Variants in CEP57 observed in about 807,000 individuals in gnomAD.
CEP57 encodes the protein centrosomal protein 57.
CEP57 carries 40 observed loss-of-function variants against 68.0 expected under a neutral mutation model. That is an observed-to-expected ratio of 0.59 (90% CI 0.46 to 0.77). The LOEUF (loss-of-function observed/expected upper bound fraction) is 0.77. Ranked by LOEUF, CEP57 falls within the 30% of genes least tolerant of loss-of-function variation. The probability of loss-of-function intolerance (pLI) is 0.00; values close to 1 mark genes in which losing one functional copy is unlikely to be tolerated. For missense variants in CEP57, 606 were observed against 580.7 expected (o/e 1.04, Z -0.45); for synonymous variants, 219 against 198.7 (o/e 1.10, Z -0.86).
chr11:95,812,955 C>A lies in CEP57; in HGVS notation c.226C>A (p.Leu76Ile). Residue 76 changes from leucine to isoleucine, a missense_variant, in exon 3 of 11, where the codon CTT (leucine) becomes ATT (isoleucine). By Grantham distance (5) the Leu-to-Ile change is conservative. Transcript: ENST00000325542. ...SRAIFSALKN[L>I]QDKIRRLELE... ...AGCCATATTTTCTGCTCTTAAGAAT[C>A]TTCAAGATAAGATTCGACGCTTGGA... 6.2e-7 allele frequency: 1 copy of A among 1,613,978 alleles called. No individual in the cohort carries two copies. The highest frequency in any genetic ancestry group is 2.2e-5 in the East Asian group (1 of 44,852).
At chr11:95,814,832 C>T (rs1202793737) in intron 4 of CEP57, among the ~76,000 whole-genome samples, 1 of 152,138 alleles carries the variant, frequency 6.6e-6, no homozygotes, top group African/African-American at 2.4e-5. Flanking sequence ...AGTTGTCCTT[C>T]AGTATCCATG....
intron 2 of CEP57, among the ~76,000 whole-genome samples, chr11:95,809,156 A>G (rs1369416039): frequency 6.6e-6 from 1 of 152,248 alleles, no homozygotes; most frequent in African/African-American, 2.4e-5. Flanking sequence ...GAAACCAACG[A>G]GAACAAAGAC....
chr11:95,824,244 T>C (rs926512340), intron 8 of CEP57, among the ~76,000 whole-genome samples: 1 of 151,910 alleles, frequency 6.6e-6, no homozygotes, highest in African/African-American at 2.4e-5. Flanking sequence ...AGATCCTCTT[T>C]AAAAAATTTT....
chr11:95,796,414 G>A (rs1861351861), intron 1 of CEP57, among the ~76,000 whole-genome samples: 1 of 152,130 alleles, frequency 6.6e-6, no homozygotes, highest in South Asian at 2.1e-4. Flanking sequence ...TTAGAATTGG[G>A]CTCCTTTCTA....
At chr11:95,799,478 G>A in intron 2 of CEP57, 90 bp downstream of exon 2, 1 of 1,481,602 alleles carries the variant, frequency 6.7e-7, no homozygotes, top group Non-Finnish European at 9.4e-7. Context: ...GCCATTAGAG[G>A]AAAATATATT....
chr11:95,790,435 T>C (rs191394966), upstream of CEP57: 1 of 570,642 alleles, frequency 1.8e-6, no homozygotes, highest in African/African-American at 1.9e-5. Flanking sequence ...GATTCTCTCC[T>C]ACTACAGAAA....
At chr11:95,827,715 G>T in intron 8 of CEP57, 71 bp from the exon 9 acceptor site, 1 of 1,589,872 alleles carries the variant, frequency 6.3e-7, no homozygotes. Flanking sequence ...TTTTTACCTA[G>T]GCTTAGGGAA....
rs1039443793 is a variant in CEP57, at chr11:95,815,877, C to T, written c.505-1910C>T. Among the ~76,000 whole-genome samples, 6 of 152,242 alleles carry T rather than the reference C, an allele frequency of 3.9e-5. No individual in the cohort carries two copies. The East Asian group carries it at 7.7e-4, about 20-fold the overall frequency. On this transcript the variant is annotated intron_variant, in intron 4 of 10. Coordinates refer to ENST00000325542, the MANE Select transcript of CEP57 (RefSeq NM_014679.5). ...TTGATCATTGTGGATTATACATTGCCTAAAGTTTTATATTCCTGCACATTT... is the reference window on the plus strand; with the variant it reads ...TTGATCATTGTGGATTATACATTGCTTAAAGTTTTATATTCCTGCACATTT...
At chr11:95,800,053 C>T (rs371851854) in intron 2 of CEP57, among the ~76,000 whole-genome samples, 21 of 152,160 alleles carry the variant, frequency 1.4e-4, no homozygotes, top group African/African-American at 4.3e-4. Flanking sequence ...TAACAAATTG[C>T]CATGAACTTA....
chr11:95,830,921 C>T (rs1228664278), intron 10 of CEP57, 105 bp from the exon 11 acceptor site: 6 of 796,852 alleles, frequency 7.5e-6, no homozygotes, highest in Non-Finnish European at 1.3e-5. Flanking sequence ...TTTCAGTTAG[C>T]ATGAGAGTTA....
intron 2 of CEP57, 64 bp from the exon 3 acceptor site, chr11:95,812,868 T>G (rs746266583): frequency 4.9e-6 from 7 of 1,430,424 alleles, no homozygotes; most frequent in Non-Finnish European, 6.9e-6. Flanking sequence ...GAGTTTATTC[T>G]TTCTTAATAT....
intron 2 of CEP57, among the ~76,000 whole-genome samples, chr11:95,802,327 T>C (rs1861617626): frequency 6.6e-6 from 1 of 150,888 alleles, no homozygotes; most frequent in Non-Finnish European, 1.5e-5. Context: ...TGATCTTGGC[T>C]CACTACAACC....
chr11:95,792,255 G>GT (rs1861117809), intron 1 of CEP57, among the ~76,000 whole-genome samples: 1 of 152,216 alleles, frequency 6.6e-6, no homozygotes, highest in African/African-American at 2.4e-5. Context: ...TATAGGAGAT[G>GT]TGATTAAACT....
chr11:95,822,292 G>C, intron 7 of CEP57: 1 of 591,714 alleles, frequency 1.7e-6, no homozygotes, highest in Non-Finnish European at 3.0e-6. Flanking sequence ...CTGTTGTTTT[G>C]TCAAGTGCTT....
Position 95,818,835 on chromosome 11 carries a change from G to A in CEP57, c.630G>A (p.Met210Ile), listed in dbSNP as rs1421576157. Residue 210 changes from methionine to isoleucine, a missense_variant, in exon 6 of 11, where the codon ATG (methionine) becomes ATA (isoleucine). Transcript: ENST00000325542. ...TTMQALAEKK[M>I]QELEAKLHEE... ...GACATTTTTATCACTAGAAAAAAAT[G>A]CAAGAGTTGGAAGCAAAACTCCATG... 2 of 1,613,554 alleles carry A rather than the reference G, an allele frequency of 1.2e-6. No homozygotes were observed. The highest frequency in any genetic ancestry group is 2.7e-5 in the African/African-American group (2 of 74,902).
intron 8 of CEP57, among the ~76,000 whole-genome samples, chr11:95,824,258 TAA>T (rs939731822): frequency 6.7e-6 from 1 of 149,120 alleles, no homozygotes; most frequent in African/African-American, 2.4e-5. Flanking sequence ...AAATTTTTTT[TAA>T]AAAAAAAAGG....
intron 8 of CEP57, chr11:95,827,082 T>C: frequency 6.6e-6 from 1 of 152,230 alleles, no homozygotes; most frequent in East Asian, 1.9e-4. Context: ...TCTAATAATA[T>C]TTATGGAGCC....
chr11:95,829,359 T>A (rs1234467691), intron 10 of CEP57, 28 bp downstream of exon 10: 6 of 1,602,612 alleles, frequency 3.7e-6, no homozygotes. Context: ...CACTCAAGTT[T>A]CTAATGATTA....
intron 2 of CEP57, among the ~76,000 whole-genome samples, chr11:95,806,571 T>G (rs1286317168): frequency 1.3e-5 from 2 of 151,594 alleles, no homozygotes; most frequent in Non-Finnish European, 2.9e-5. Context: ...ACCAGGAGAT[T>G]ATATCCTGTT....
Sources: allele counts gnomAD v4.1 joint callset (sites outside exome capture counted in the v4.1 genomes callset), GRCh38; gene constraint gnomAD v4.1.1; transcripts MANE v1.5; gene names NCBI Gene and HGNC (gene_info 2026-07-23, HGNC 2026-07-21).